The following MYO1B variants were observed in gnomAD, a reference collection of about 807,000 sequenced individuals.
The protein encoded by MYO1B is unconventional myosin-Ib.
Under a neutral mutation model 159.7 loss-of-function variants are expected in MYO1B, and 72 were observed. That is an observed-to-expected ratio of 0.45 (90% CI 0.37 to 0.55). MYO1B has a LOEUF of 0.55. Among genes scored for constraint, MYO1B ranks in the 20% least tolerant of loss-of-function variants. The probability of loss-of-function intolerance (pLI) is 0.00; values close to 1 mark genes in which losing one functional copy is unlikely to be tolerated. For missense variants in MYO1B, 1,062 were observed against 1,364.8 expected (o/e 0.78, Z 3.50); for synonymous variants, 468 against 473.8 (o/e 0.99, Z 0.16).
At chr2:191,391,632 G>A (rs1695757096) in intron 18 of MYO1B, among the ~76,000 whole-genome samples, 1 of 152,192 alleles carries the variant, frequency 6.6e-6, no homozygotes, top group Non-Finnish European at 1.5e-5. Flanking sequence ...GCCAAGTCCA[G>A]TTCTTGCTCC....
chr2:191,303,024 A>G (rs574336762), intron 3 of MYO1B, among the ~76,000 whole-genome samples: 3 of 152,230 alleles, frequency 2.0e-5, no homozygotes, highest in African/African-American at 7.2e-5. Flanking sequence ...GTCTTTGTTG[A>G]TCCTGTTACC....
At chr2:191,354,059 C>T (rs959167263) in intron 7 of MYO1B, among the ~76,000 whole-genome samples, 2 of 151,964 alleles carry the variant, frequency 1.3e-5, no homozygotes, top group African/African-American at 4.8e-5. Context: ...AGTTCAAGAC[C>T]AGCCTGATCA....
At chr2:191,332,247 G>A (rs925658739) in intron 4 of MYO1B, among the ~76,000 whole-genome samples, 1 of 147,008 alleles carries the variant, frequency 6.8e-6, no homozygotes, top group Non-Finnish European at 1.5e-5. Flanking sequence ...ACAGGCGCGA[G>A]CCACCATGCC....
chr2:191,364,422 G>T lies in MYO1B; in HGVS notation c.1032+146G>T, dbSNP rs1255893744. 9 of 639,228 alleles carry T rather than the reference G, an allele frequency of 1.4e-5. No individual in the cohort carries two copies. In the African/African-American group the frequency reaches 1.7e-4, roughly 12 times the overall value. 39.6% of individuals were successfully genotyped at this position (639,228 alleles called of 1,614,324 possible). ...TGGGAACAGAGCAGTAAACTAAACA[G>T]ATAAGGATCCCTGCCCTCATGGAGC... On this transcript the variant is annotated intron_variant, in intron 11 of 30. Transcript: ENST00000392318.
rs373149375 is a variant in MYO1B, at chr2:191,408,743, T to C, written c.2632-301T>C. Among the ~76,000 whole-genome samples the C allele has an allele frequency of 3.3e-5, 5 of 152,344 alleles. No homozygotes were observed. In the South Asian group the frequency reaches 8.3e-4, roughly 25 times the overall value. ...TTAAAATGTAAATATAAATAGCCTGTGTGACTAGTGGCTGCATTTTAGACA... is the reference window on the plus strand; with the variant it reads ...TTAAAATGTAAATATAAATAGCCTGCGTGACTAGTGGCTGCATTTTAGACA... On this transcript the variant is annotated intron_variant, in intron 25 of 30. Coordinates refer to ENST00000392318, the MANE Select transcript of MYO1B (RefSeq NM_001130158.3).
chr2:191,398,492 G>A (rs1402102293), intron 21 of MYO1B, among the ~76,000 whole-genome samples: 3 of 150,496 alleles, frequency 2.0e-5, no homozygotes, highest in Non-Finnish European at 3.0e-5. Flanking sequence ...CCGGACGGAG[G>A]GGCTCCTCAC....
At chr2:191,276,844 T>G (rs1475321492) in intron 1 of MYO1B, 43 bp from the exon 2 acceptor site, 128 of 1,565,140 alleles carry the variant, frequency 8.2e-5, no homozygotes, top group Non-Finnish European at 8.6e-6. Context: ...TATTTGAAAT[T>G]ATTTTGCTCG....
intron 1 of MYO1B, chr2:191,247,915 A>T: frequency 1.0e-6 from 1 of 984,850 alleles, no homozygotes; most frequent in Non-Finnish European, 1.2e-6. Context: ...CACTTTGTCA[A>T]GCCTGGAGTT....
chr2:191,363,401 G>A (rs1005643152), intron 9 of MYO1B, among the ~76,000 whole-genome samples: 2 of 152,026 alleles, frequency 1.3e-5, no homozygotes, highest in South Asian at 4.2e-4. Flanking sequence ...GTGCAAGTTG[G>A]TTTTGTTTCT....
intron 11 of MYO1B, among the ~76,000 whole-genome samples, chr2:191,368,180 T>C (rs1694131070): frequency 6.6e-6 from 1 of 152,214 alleles, no homozygotes; most frequent in South Asian, 2.1e-4. Context: ...AGTTGTTACA[T>C]TTTATTTAGG....
intron 2 of MYO1B, among the ~76,000 whole-genome samples, chr2:191,286,422 A>G (rs908376772): frequency 6.6e-6 from 1 of 152,126 alleles, no homozygotes; most frequent in African/African-American, 2.4e-5. Flanking sequence ...ACCGTGGCAT[A>G]TGACATCTTA....
chr2:191,262,329 A>G (rs1335855213), intron 1 of MYO1B, among the ~76,000 whole-genome samples: 1 of 152,078 alleles, frequency 6.6e-6, no homozygotes, highest in Non-Finnish European at 1.5e-5. Flanking sequence ...TATGCAGTAC[A>G]CAAACTGAAC....
At chr2:191,381,036 C>G (rs1416872350) in intron 13 of MYO1B, 3 of 286,476 alleles carry the variant, frequency 1.0e-5, no homozygotes, top group Admixed American at 4.7e-5. Flanking sequence ...GGATCTGTCC[C>G]TGGATGGGGA....
At chr2:191,280,534 T>C (rs1267489799) in intron 2 of MYO1B, among the ~76,000 whole-genome samples, 1 of 152,198 alleles carries the variant, frequency 6.6e-6, no homozygotes, top group African/African-American at 2.4e-5. Flanking sequence ...CTGCTTCTCT[T>C]CTGGCATTCC....
intron 16 of MYO1B, among the ~76,000 whole-genome samples, chr2:191,386,381 A>C (rs1204716018): frequency 6.6e-6 from 1 of 152,192 alleles, no homozygotes; most frequent in Admixed American, 6.5e-5. Flanking sequence ...ATCTATTAAC[A>C]CTATTGAAGG....
chr2:191,393,362 T>C (rs964061556), intron 20 of MYO1B, 140 bp downstream of exon 20: 11 of 1,062,858 alleles, frequency 1.0e-5, no homozygotes, highest in African/African-American at 9.6e-5. Flanking sequence ...TAATGGTTCT[T>C]TTTTTTAAAG....
chr2:191,269,338 T>TTTA (rs1447200265), intron 1 of MYO1B, among the ~76,000 whole-genome samples: 1 of 152,248 alleles, frequency 6.6e-6, no homozygotes, highest in Non-Finnish European at 1.5e-5. Flanking sequence ...TTCCTTCCTT[T>TTTA]TTAAGGCTGA....
intron 2 of MYO1B, among the ~76,000 whole-genome samples, chr2:191,280,538 G>T (rs1209980093): frequency 2.6e-5 from 4 of 152,154 alleles, no homozygotes; most frequent in Admixed American, 2.6e-4. Flanking sequence ...TTCTCTTCTG[G>T]CATTCCAAGT....
At chr2:191,278,220 A>T (rs147387536) in intron 2 of MYO1B, among the ~76,000 whole-genome samples, 1 of 152,332 alleles carries the variant, frequency 6.6e-6, no homozygotes, top group Non-Finnish European at 1.5e-5. Context: ...GTGTCTGATG[A>T]GGACCTGCTT....
Sources: gnomAD v4.1 joint callset for allele counts (sites outside exome capture counted in the v4.1 genomes callset) on GRCh38, gnomAD v4.1.1 for gene constraint, MANE v1.5 for transcripts, NCBI Gene and HGNC (gene_info 2026-07-23, HGNC 2026-07-21) for gene names.